The following ADA2 variants were observed in gnomAD, a reference collection of about 807,000 sequenced individuals.
ADA2 encodes the protein adenosine deaminase CECR1.
In ADA2, 29 loss-of-function variants were observed where a neutral mutation model predicts 44.2. The ratio of observed to expected loss-of-function variants is 0.66; its 90% CI spans 0.49 to 0.89. The LOEUF is 0.89. Ranked by LOEUF, ADA2 falls within the 40% of genes least tolerant of loss-of-function variation. ADA2 has a pLI of 0.00. For synonymous variants in ADA2, 215 were observed against 234.9 expected, an observed-to-expected ratio of 0.92 and a Z score of 0.77; for missense variants, 637 against 644.8, an observed-to-expected ratio of 0.99 and a Z score of 0.13.
At chr22:17,184,864 G>A (rs886779543) in intron 7 of ADA2, among the ~76,000 whole-genome samples, 5 of 145,010 alleles carry the variant, frequency 3.4e-5, no homozygotes, top group Non-Finnish European at 6.0e-5. Context: ...AGGAGGTGGA[G>A]GCTGTAGTGA....
At chr22:17,215,853 A>C (rs1039151744) in intron 1 of ADA2, among the ~76,000 whole-genome samples, 2 of 151,484 alleles carry the variant, frequency 1.3e-5, no homozygotes, top group African/African-American at 2.4e-5. Context: ...ATAGACAAGC[A>C]CTTCAAGAGG....
intron 1 of ADA2, among the ~76,000 whole-genome samples, chr22:17,211,720 G>C (rs2062420199): frequency 6.6e-6 from 1 of 152,024 alleles, no homozygotes; most frequent in Admixed American, 6.6e-5. Context: ...ACGAGGTCAA[G>C]AGATCGAGAG....
At chr22:17,205,409 C>T (rs1029821227) in intron 3 of ADA2, among the ~76,000 whole-genome samples, 15 of 152,072 alleles carry the variant, frequency 9.9e-5, no homozygotes, top group Non-Finnish European at 1.5e-4. Context: ...CCAGTGTGCC[C>T]GGCTTGAGAA....
intron 4 of ADA2, among the ~76,000 whole-genome samples, chr22:17,192,544 G>GT (rs1216384458): frequency 6.6e-6 from 1 of 152,088 alleles, no homozygotes; most frequent in Admixed American, 6.6e-5. Flanking sequence ...AGGGAGGTGT[G>GT]TAATGGGGAA....
upstream of ADA2, chr22:17,219,442 C>T (rs535561735): frequency 1.3e-5 from 2 of 152,354 alleles, no homozygotes; most frequent in African/African-American, 2.4e-5. Flanking sequence ...AACTGTTTCA[C>T]TTCCTGTTGG....
intron 8 of ADA2, 51 bp downstream of exon 8, chr22:17,182,553 G>A: frequency 1.3e-6 from 2 of 1,578,314 alleles, no homozygotes; most frequent in African/African-American, 2.7e-5. Flanking sequence ...AGAGAGCAGA[G>A]GTTGTGGTTA....
chr22:17,221,359 A>G (rs1487831595), upstream of ADA2, among the ~76,000 whole-genome samples: 1 of 151,984 alleles, frequency 6.6e-6, no homozygotes, highest in African/African-American at 2.4e-5. Context: ...ACATAGGTAT[A>G]CCTGTGCCAT....
chr22:17,191,951 TTGCCCAGCCACCCC>T (rs1399367716), intron 4 of ADA2, 141 bp from the exon 5 acceptor site: 13 of 645,398 alleles, frequency 2.0e-5, no homozygotes, highest in Admixed American at 1.4e-4. Context: ...CCAGCCACCC[TTGCCCAGCCACCCC>T]TGCCCAGCCA....
At position 17,196,323 on chromosome 22, in the gene ADA2, CA is replaced by C. The variant is rs34561761; in HGVS notation, c.754-4514del. Among the ~76,000 whole-genome samples, 236 of 86,818 alleles carry C rather than the reference CA, an allele frequency of 2.7e-3. 1 individual carries two copies. Among genetic ancestry groups the C allele is most frequent in the African/African-American group, 4.4e-3 (81 of 18,446 alleles). 57.0% of individuals were successfully genotyped at this position (86,818 alleles called of 152,430 possible). On this transcript the variant is annotated intron_variant, in intron 4 of 9. Transcript: ENST00000399837. ...AGGCAACAAAAGTGAAACTCCATCC[CA>C]AAAAAAAAAAAAAAAAGGAAAATTT...
chr22:17,198,052 A>AT (rs2062216043), intron 4 of ADA2, among the ~76,000 whole-genome samples: 1 of 151,728 alleles, frequency 6.6e-6, no homozygotes. Context: ...AAAAAAAAAA[A>AT]CAAAAAAATT....
intron 4 of ADA2, chr22:17,199,439 C>CTTCCCCTCCCTCCCCTCCTCTATCCTT: frequency 9.5e-7 from 1 of 1,056,660 alleles, no homozygotes; most frequent in Non-Finnish European, 1.5e-6. Context: ...CCTCTATCCT[C>CTTCCCCTCCCTCCCCTCCTCTATCCTT]TTCCCCTCCA....
Position 17,189,782 on chromosome 22 carries a change from C to G in ADA2, c.972+160G>C. ...CTCTGAAGAGGGTCAGCGCTGAGCT[C>G]TGAGCAGCCCTGCTGTGTCAGCAGC... On this transcript the variant is annotated intron_variant, in intron 6 of 9. Coordinates refer to ENST00000399837, the MANE Select transcript of ADA2 (RefSeq NM_001282225.2). 6 of 604,344 alleles carry G rather than the reference C, an allele frequency of 9.9e-6. 1 individual carries two copies. In the South Asian group the frequency reaches 1.1e-4, roughly 11 times the overall value. The allele number at this position is 604,344 out of a possible 1,614,324, so 37.4% of individuals were successfully genotyped here.
chr22:17,193,758 C>T (rs562450137), intron 4 of ADA2, among the ~76,000 whole-genome samples: 4 of 150,680 alleles, frequency 2.7e-5, no homozygotes, highest in South Asian at 4.2e-4. Flanking sequence ...ATGGAGATGT[C>T]GATTACTTCC....
intron 4 of ADA2, 105 bp from the exon 5 acceptor site, chr22:17,191,915 A>T (rs1205279809): frequency 9.6e-6 from 10 of 1,042,678 alleles, no homozygotes; most frequent in Non-Finnish European, 1.3e-5. Flanking sequence ...CCCCTGCCCA[A>T]CCACCCCCTT....
chr22:17,181,349 C>T lies in ADA2; in HGVS notation c.*134G>A. On this transcript the variant is annotated 3_prime_UTR_variant, in exon 10 of 10. Coordinates refer to ENST00000399837, the MANE Select transcript of ADA2 (RefSeq NM_001282225.2). ...CAGAGGATGAATTTGCTCAGCCAGCCAAGTGCTTCTCACAGGGTCGCTCCA... is the reference window on the plus strand; with the variant it reads ...CAGAGGATGAATTTGCTCAGCCAGCTAAGTGCTTCTCACAGGGTCGCTCCA... The T allele has an allele frequency of 1.5e-6, 1 of 687,334 alleles. No individual in the cohort carries two copies. The highest frequency in any genetic ancestry group is 2.7e-6 in the Non-Finnish European group (1 of 376,658). 42.6% of individuals were successfully genotyped at this position (687,334 alleles called of 1,614,324 possible).
Position 17,209,575 on chromosome 22 carries a change from C to G in ADA2, c.103G>C (p.Ala35Pro). The G allele has an allele frequency of 6.2e-7, 1 of 1,614,096 alleles. No individual in the cohort carries two copies. The highest frequency in any genetic ancestry group is 8.5e-7 in the Non-Finnish European group (1 of 1,180,010). The stretch of plus-strand genomic sequence containing the variant: ...ATCTTTTCTTTCAACAACAGATGCG[C>G]CCGTGTTTCATCTATGGATAGAGCT... ...GSALSIDETRAHLLLKEKMMR... is the reference protein window; with the variant it reads ...GSALSIDETRPHLLLKEKMMR... The change falls in exon 2 of 10, where the codon GCG becomes CCG. Residue 35 changes from alanine (A) to proline (P), a missense_variant. Physicochemically the swap from Ala to Pro is conservative, Grantham distance 27 (BLOSUM62 -1). Transcript: ENST00000399837.
chr22:17,205,500 T>A (rs1358318576), intron 3 of ADA2, among the ~76,000 whole-genome samples: 1 of 152,158 alleles, frequency 6.6e-6, no homozygotes, highest in East Asian at 1.9e-4. Flanking sequence ...GGGAGTGGAA[T>A]GGAAATAACT....
chr22:17,216,333 CCTGCCTGGGTGACAGAGTGAAACCCTAT>C (rs1326627907), intron 1 of ADA2, among the ~76,000 whole-genome samples: 28 of 151,972 alleles, frequency 1.8e-4, no homozygotes, highest in East Asian at 7.7e-4. Flanking sequence ...CCATTGCACT[CCTGCCTGGGTGACAGAGTGAAACCCTAT>C]CTGCCCCACT....
At chr22:17,199,436 C>CCTCTTCCCCTCCCTCCCCTCCTCTATA in intron 4 of ADA2, 37 of 1,000,734 alleles carry the variant, frequency 3.7e-5, no homozygotes, top group East Asian at 7.3e-5. Flanking sequence ...CCTCCTCTAT[C>CCTCTTCCCCTCCCTCCCCTCCTCTATA]CTCTTCCCCT....
Sources: allele counts gnomAD v4.1 joint callset (sites outside exome capture counted in the v4.1 genomes callset), GRCh38; gene constraint gnomAD v4.1.1; transcripts MANE v1.5; gene names NCBI Gene and HGNC (gene_info 2026-07-23, HGNC 2026-07-21).